Variants in CARMIL1 observed in about 807,000 individuals in gnomAD.
The protein encoded by CARMIL1 is F-actin-uncapping protein LRRC16A.
A neutral mutation model predicts 177.1 loss-of-function variants in CARMIL1; 90 were observed. That is an observed-to-expected ratio of 0.51 (90% CI 0.43 to 0.61). The LOEUF is 0.61. CARMIL1 is among the 20% of genes least tolerant of loss of function. The pLI, the probability that CARMIL1 is intolerant of heterozygous loss-of-function variation, is 0.00. For synonymous variants in CARMIL1, 577 were observed against 606.2 expected (o/e 0.95, Z 0.71); for missense variants, 1,380 against 1,667.0 (o/e 0.83, Z 3.00).
intron 2 of CARMIL1, among the ~76,000 whole-genome samples, chr6:25,328,640 C>T (rs1785331740): frequency 6.6e-6 from 1 of 152,158 alleles, no homozygotes; most frequent in Admixed American, 6.5e-5. Context: ...AGCTTAGGAA[C>T]GTCATCTCTT....
chr6:25,300,149 C>T (rs1282515416), intron 2 of CARMIL1, among the ~76,000 whole-genome samples: 1 of 143,682 alleles, frequency 7.0e-6, no homozygotes, highest in East Asian at 1.9e-4. Flanking sequence ...TCGAAATTTA[C>T]AGTTTTATGA....
At chr6:25,598,173 G>A (rs1056908481) in intron 32 of CARMIL1, among the ~76,000 whole-genome samples, 34 of 151,844 alleles carry the variant, frequency 2.2e-4, no homozygotes, top group African/African-American at 7.7e-4. Context: ...CTTTGTTGCT[G>A]AATTTTTAAA....
chr6:25,403,856 T>C (rs985935294), intron 2 of CARMIL1, among the ~76,000 whole-genome samples: 1 of 152,216 alleles, frequency 6.6e-6, no homozygotes, highest in Non-Finnish European at 1.5e-5. Context: ...TGCCATATGT[T>C]TTACTTATTT....
At chr6:25,468,658 A>G (rs562814620) in intron 9 of CARMIL1, among the ~76,000 whole-genome samples, 51 of 152,290 alleles carry the variant, frequency 3.3e-4, no homozygotes, top group African/African-American at 1.2e-3. Context: ...TAAAAGTTTC[A>G]TTTCCTTATA....
intron 26 of CARMIL1, among the ~76,000 whole-genome samples, chr6:25,542,456 C>T (rs1809015698): frequency 6.6e-6 from 1 of 152,172 alleles, no homozygotes; most frequent in African/African-American, 2.4e-5. Flanking sequence ...CACCAGTGTT[C>T]TCCATTCATC....
chr6:25,514,208 G>A (rs964457809), intron 20 of CARMIL1, among the ~76,000 whole-genome samples: 5 of 152,134 alleles, frequency 3.3e-5, no homozygotes, highest in Admixed American at 6.5e-5. Context: ...GATGGAAAAT[G>A]AGTGGACTGG....
At chr6:25,614,595 C>G (rs1816751436) in intron 36 of CARMIL1, among the ~76,000 whole-genome samples, 1 of 152,184 alleles carries the variant, frequency 6.6e-6, no homozygotes, top group South Asian at 2.1e-4. Flanking sequence ...GTTAAGCATA[C>G]CTAAGGTTGC....
chr6:25,586,193 C>A (rs1238580947), intron 31 of CARMIL1, among the ~76,000 whole-genome samples: 1 of 148,638 alleles, frequency 6.7e-6, no homozygotes. Context: ...TCCTCACTTC[C>A]CGGACGGGGT....
Position 25,472,424 on chromosome 6 carries a change from C to T in CARMIL1, c.780-3C>T, listed in dbSNP as rs1459053251. 6.4e-7 allele frequency: 1 copy of T among 1,559,640 alleles called. No homozygotes were observed. Among genetic ancestry groups the T allele is most frequent in the Non-Finnish European group, 8.7e-7 (1 of 1,148,478 alleles). On this transcript the variant is annotated splice_polypyrimidine_tract_variant and splice_region_variant and intron_variant, in intron 10 of 36. Transcript: ENST00000329474. ...TTAATCTTATTGTTTTGTTTACACGCAGAGATTTTGCACAAAAACTGGCCA... is the reference window on the plus strand; with the variant it reads ...TTAATCTTATTGTTTTGTTTACACGTAGAGATTTTGCACAAAAACTGGCCA...
chr6:25,493,570 C>T (rs1803429190), intron 15 of CARMIL1, among the ~76,000 whole-genome samples: 1 of 152,180 alleles, frequency 6.6e-6, no homozygotes, highest in African/African-American at 2.4e-5. Flanking sequence ...CTATCTAGAA[C>T]ATTCACAGTC....
intron 3 of CARMIL1, among the ~76,000 whole-genome samples, chr6:25,424,730 AAGACT>A (rs1796140942): frequency 6.6e-6 from 1 of 152,194 alleles, no homozygotes; most frequent in Non-Finnish European, 1.5e-5. Flanking sequence ...TGCTGTTTTA[AAGACT>A]AGACAACTTT....
chr6:25,594,472 G>A lies in CARMIL1; in HGVS notation c.3064G>A (p.Val1022Met), dbSNP rs376514882. Reference sequence around the variant, plus strand: ...TGAACAGAATGGTCTCATGGGGAGAGTGGATGAAGGTGTAGATGAATTTTT... The same window carrying A: ...TGAACAGAATGGTCTCATGGGGAGAATGGATGAAGGTGTAGATGAATTTTT... ...DGEQNGLMGR[V>M]DEGVDEFFTK... Residue 1022 changes from valine to methionine, a missense_variant, in exon 32 of 37, where the codon GTG (valine) becomes ATG (methionine). Physicochemically the swap from Val to Met is conservative, Grantham distance 21. Transcript: ENST00000329474. The A allele has an allele frequency of 1.2e-5, 20 of 1,613,668 alleles. No homozygotes were observed. The African/African-American group carries it at 1.7e-4, about 14-fold the overall frequency.
At chr6:25,489,653 CTG>C (rs996211149) in intron 13 of CARMIL1, among the ~76,000 whole-genome samples, 39 of 152,324 alleles carry the variant, frequency 2.6e-4, no homozygotes, top group Middle Eastern at 6.8e-3. Context: ...CTGAAAAACA[CTG>C]TGAAATTTAT....
In CARMIL1 at chr6:25,509,829, A is replaced by C; in HGVS notation, c.1477+92A>C. 1.2e-6 allele frequency: 1 copy of C among 857,406 alleles called. No homozygotes were observed. Among genetic ancestry groups the C allele is most frequent in the Non-Finnish European group, 1.8e-6 (1 of 549,660 alleles). 53.1% of individuals were successfully genotyped at this position (857,406 alleles called of 1,614,324 possible). ...AATCTTCTACCCAAATCCAAACAAT[A>C]GCTTAATAAAAAAATTGTTTTTTAT... On this transcript the variant is annotated intron_variant, in intron 18 of 36. Transcript: ENST00000329474. This position sits in a 1 kb window ranked among gnomAD's most constrained non-coding sequence, Gnocchi z 4.1.
At chr6:25,376,362 G>A (rs747067433) in intron 2 of CARMIL1, among the ~76,000 whole-genome samples, 25 of 152,230 alleles carry the variant, frequency 1.6e-4, no homozygotes, top group Non-Finnish European at 2.6e-4. Context: ...TTATAGGCAT[G>A]AGCCACCGTA....
intron 32 of CARMIL1, among the ~76,000 whole-genome samples, chr6:25,599,329 A>T (rs184877744): frequency 8.6e-4 from 131 of 152,324 alleles, no homozygotes; most frequent in Middle Eastern, 6.8e-3. Flanking sequence ...ATTTTCACAC[A>T]TAACTAGTGT....
intron 2 of CARMIL1, among the ~76,000 whole-genome samples, chr6:25,349,020 G>C (rs1342200508): frequency 6.6e-6 from 1 of 152,050 alleles, no homozygotes; most frequent in East Asian, 1.9e-4. Flanking sequence ...TTGTCTACTT[G>C]GTGAATTTAA....
intron 8 of CARMIL1, chr6:25,452,156 G>T: frequency 1.3e-6 from 1 of 765,048 alleles, no homozygotes; most frequent in Non-Finnish European, 2.4e-6. Context: ...GACTACGGAA[G>T]ATGGTGAAGC....
chr6:25,294,589 C>G (rs1405008490), intron 2 of CARMIL1, among the ~76,000 whole-genome samples: 2 of 152,172 alleles, frequency 1.3e-5, no homozygotes, highest in Non-Finnish European at 1.5e-5. Context: ...CTCTCCATTT[C>G]TTCTTGCATA....
Sources: allele counts gnomAD v4.1 joint callset (sites outside exome capture counted in the v4.1 genomes callset), GRCh38; gene constraint gnomAD v4.1.1; non-coding constraint Gnocchi (gnomAD v3.1); transcripts MANE v1.5; gene names NCBI Gene and HGNC (gene_info 2026-07-23, HGNC 2026-07-21).